Variants in CDH13 observed in about 807,000 individuals in gnomAD.
CDH13 encodes cadherin 13.
A neutral mutation model predicts 63.8 loss-of-function variants in CDH13; 24 were observed. That is an observed-to-expected ratio of 0.38 (90% CI 0.27 to 0.53). The LOEUF (loss-of-function observed/expected upper bound fraction) is 0.53, where lower values mean the gene tolerates loss of function less well. Ranked by LOEUF, CDH13 falls within the 20% of genes least tolerant of loss-of-function variation. The probability of loss-of-function intolerance (pLI) is 0.85; values close to 1 mark genes in which losing one functional copy is unlikely to be tolerated. For missense variants in CDH13, 1,049 were observed against 903.1 expected (o/e 1.16, Z -2.07); for synonymous variants, 503 against 355.3 (o/e 1.42, Z -4.67).
At position 83,146,584 on chromosome 16, in the gene CDH13, T is replaced by C. The variant is rs75898303; in HGVS notation, c.483+21083T>C. Among the ~76,000 whole-genome samples the C allele has an allele frequency of 3.7e-3, 560 of 152,362 alleles. 3 individuals carry two copies. Among genetic ancestry groups the C allele is most frequent in the African/African-American group, 0.013 (543 of 41,588 alleles). ...TGTTCTATTTCAAGAAAGCAAGATA[T>C]TTTCCAGAAACTTTGAGCAGTTATA... On this transcript the variant is annotated intron_variant, in intron 4 of 13. Transcript: ENST00000567109.
At chr16:83,558,495 A>G (rs1270267014) in intron 7 of CDH13, among the ~76,000 whole-genome samples, 1 of 152,200 alleles carries the variant, frequency 6.6e-6, no homozygotes. Context: ...ATGTATGTAT[A>G]ATGTATGTGT....
chr16:83,709,127 G>A (rs1310129261), intron 10 of CDH13, among the ~76,000 whole-genome samples: 2 of 152,190 alleles, frequency 1.3e-5, no homozygotes, highest in Non-Finnish European at 2.9e-5. Context: ...AGTCATTGGA[G>A]CCACATAAGG....
chr16:82,929,752 G>A (rs1407213715), intron 2 of CDH13, among the ~76,000 whole-genome samples: 1 of 144,290 alleles, frequency 6.9e-6, no homozygotes, highest in Non-Finnish European at 1.5e-5. Context: ...CCTTGATCTT[G>A]TACTTCCACC....
At chr16:83,067,771 G>A (rs1013718655) in intron 3 of CDH13, among the ~76,000 whole-genome samples, 1 of 152,172 alleles carries the variant, frequency 6.6e-6, no homozygotes, top group Non-Finnish European at 1.5e-5. Flanking sequence ...GAGCAGAGTA[G>A]TAATCTCTCT....
chr16:83,079,568 A>G lies in CDH13; in HGVS notation c.367-45817A>G, dbSNP rs535660020. On this transcript the variant is annotated intron_variant, in intron 3 of 13. Transcript: ENST00000567109. Reference sequence around the variant, plus strand: ...GTGAAACAATGTGTGCAAAGTACCTAGCACTCTCTGGCATGTAATTAACTC... The same window carrying G: ...GTGAAACAATGTGTGCAAAGTACCTGGCACTCTCTGGCATGTAATTAACTC... 7.2e-5 allele frequency among the ~76,000 whole-genome samples: 11 copies of G among 152,362 alleles called. 1 individual carries two copies. In the Middle Eastern group the frequency reaches 0.014, roughly 188 times the overall value.
chr16:82,711,112 C>T (rs544820655), intron 1 of CDH13, among the ~76,000 whole-genome samples: 1 of 152,164 alleles, frequency 6.6e-6, no homozygotes, highest in African/African-American at 2.4e-5. Flanking sequence ...GTTTCTACGT[C>T]TTTCTCAGGG....
At chr16:82,637,669 C>A (rs1232838024) in intron 1 of CDH13, 1 of 150,894 alleles carries the variant, frequency 6.6e-6, no homozygotes, top group Non-Finnish European at 1.5e-5. Context: ...GATCTCCTGA[C>A]CTCGTGATCC....
At chr16:83,411,328 C>A (rs1022744628) in intron 6 of CDH13, among the ~76,000 whole-genome samples, 9 of 152,154 alleles carry the variant, frequency 5.9e-5, no homozygotes, top group Admixed American at 5.9e-4. Flanking sequence ...CATTAAACCT[C>A]CCACTTTTCT....
intron 7 of CDH13, among the ~76,000 whole-genome samples, chr16:83,571,539 G>A (rs946558106): frequency 6.6e-6 from 1 of 152,040 alleles, no homozygotes; most frequent in East Asian, 1.9e-4. Context: ...AACAGGCCCC[G>A]AGTTTGTACT....
At chr16:82,965,277 G>T (rs924209701) in intron 2 of CDH13, among the ~76,000 whole-genome samples, 1 of 152,270 alleles carries the variant, frequency 6.6e-6, no homozygotes, top group East Asian at 1.9e-4. Context: ...CAAAGCCTGG[G>T]AACTGAGCTA....
At chr16:83,742,682 G>A (rs1350923787) in intron 10 of CDH13, among the ~76,000 whole-genome samples, 3 of 152,244 alleles carry the variant, frequency 2.0e-5, no homozygotes, top group Non-Finnish European at 2.9e-5. Context: ...AGAGCAGGCT[G>A]TTCCGTGGTC....
In CDH13 at chr16:83,106,111, T is replaced by C. The variant is rs115506276; in HGVS notation, c.367-19274T>C. Reference sequence around the variant, plus strand: ...CTTTTAAAATGTTCATAACCTTTGATCCAGTAACACCTCTTTTGCTAATCT... The same window carrying C: ...CTTTTAAAATGTTCATAACCTTTGACCCAGTAACACCTCTTTTGCTAATCT... On this transcript the variant is annotated intron_variant, in intron 3 of 13. Coordinates refer to ENST00000567109, the MANE Select transcript of CDH13 (RefSeq NM_001257.5). 5.3e-3 allele frequency among the ~76,000 whole-genome samples: 809 copies of C among 152,346 alleles called. 5 individuals are homozygous for C. The highest frequency in any genetic ancestry group is 0.019 in the African/African-American group (773 of 41,576).
At chr16:83,226,216 A>G (rs1225788954) in intron 5 of CDH13, among the ~76,000 whole-genome samples, 1 of 152,250 alleles carries the variant, frequency 6.6e-6, no homozygotes, top group South Asian at 2.1e-4. Context: ...ACCCGGCCTT[A>G]TCTGTCAGGT....
At chr16:83,504,040 G>A (rs571468077) in intron 7 of CDH13, among the ~76,000 whole-genome samples, 128 of 152,238 alleles carry the variant, frequency 8.4e-4, no homozygotes, top group Non-Finnish European at 1.4e-3. Flanking sequence ...GTTGATGGGT[G>A]CAGCAAACCA....
At chr16:82,652,985 T>G (rs559112298) in intron 1 of CDH13, among the ~76,000 whole-genome samples, 1 of 152,202 alleles carries the variant, frequency 6.6e-6, no homozygotes, top group Non-Finnish European at 1.5e-5. Context: ...TTTGTAGAAG[T>G]TGGGGGTAAA....
chr16:83,486,674 A>T lies in CDH13; in HGVS notation c.960+19A>T, dbSNP rs1309744447. The T allele has an allele frequency of 6.2e-7, 1 of 1,606,494 alleles. No individual in the cohort carries two copies. Among genetic ancestry groups the T allele is most frequent in the African/African-American group, 1.3e-5 (1 of 74,742 alleles). On this transcript the variant is annotated intron_variant, in intron 7 of 13. Coordinates refer to ENST00000567109, the MANE Select transcript of CDH13 (RefSeq NM_001257.5). ...CCGAGAGGTGAGCTGAAAAGAATAC[A>T]CTTTCTTTTTCACGAGAATAGAATG...
chr16:83,051,909 T>C (rs545875828), intron 3 of CDH13, among the ~76,000 whole-genome samples: 25 of 152,294 alleles, frequency 1.6e-4, no homozygotes, highest in Admixed American at 3.9e-4. Flanking sequence ...TTATTTGGAC[T>C]ATGGTTTCTT....
chr16:83,593,703 A>G (rs981965785), intron 7 of CDH13, among the ~76,000 whole-genome samples: 1 of 152,156 alleles, frequency 6.6e-6, no homozygotes, highest in African/African-American at 2.4e-5. Context: ...TAATTGTGTT[A>G]TAATATGACT....
chr16:83,271,454 T>TAAAAAAA (rs2088810570), intron 5 of CDH13, among the ~76,000 whole-genome samples: 45 of 17,140 alleles, frequency 2.6e-3, no homozygotes, highest in Non-Finnish European at 5.3e-3. Context: ...AAAAAAAAAT[T>TAAAAAAA]CATGGTTGCT....
Sources: allele counts gnomAD v4.1 joint callset (sites outside exome capture counted in the v4.1 genomes callset), GRCh38; gene constraint gnomAD v4.1.1; transcripts MANE v1.5; gene names NCBI Gene and HGNC (gene_info 2026-07-23, HGNC 2026-07-21).